The following FAT3 variants were observed in gnomAD, a reference collection of about 807,000 sequenced individuals.
FAT3 encodes protocadherin Fat 3.
A neutral mutation model predicts 310.2 loss-of-function variants in FAT3; 95 were observed. That is an observed-to-expected ratio of 0.31 (90% CI 0.26 to 0.36). The LOEUF is 0.36. FAT3 is among the 10% of genes least tolerant of loss of function. The probability of loss-of-function intolerance (pLI) is 1.00; values close to 1 mark genes in which losing one functional copy is unlikely to be tolerated. For synonymous variants in FAT3, 2,314 were observed against 2,192.9 expected (o/e 1.06, Z -1.54); for missense variants, 5,408 against 5,715.6 (o/e 0.95, Z 1.74).
At chr11:92,358,553 T>C (rs1021579075) in intron 2 of FAT3, among the ~76,000 whole-genome samples, 1 of 152,182 alleles carries the variant, frequency 6.6e-6, no homozygotes, top group African/African-American at 2.4e-5. Context: ...TTTGGGCTTG[T>C]TGAGATTTTT....
At chr11:92,277,581 T>A (rs898541495) in intron 1 of FAT3, among the ~76,000 whole-genome samples, 5 of 152,154 alleles carry the variant, frequency 3.3e-5, no homozygotes, top group Admixed American at 2.6e-4. Flanking sequence ...TGGAGGCCGT[T>A]GTCCTAAGTG....
chr11:92,442,165 G>A (rs1170354646), intron 2 of FAT3, among the ~76,000 whole-genome samples: 2 of 124,074 alleles, frequency 1.6e-5, no homozygotes, highest in Non-Finnish European at 3.1e-5. Flanking sequence ...CCAGGCTGGA[G>A]TGCAGTGGCT....
intron 1 of FAT3, among the ~76,000 whole-genome samples, chr11:92,237,998 A>G (rs1211859143): frequency 2.0e-5 from 3 of 152,164 alleles, no homozygotes; most frequent in South Asian, 2.1e-4. Context: ...CCTATGAAGT[A>G]GATATTAATA....
chr11:92,638,725 G>A lies in FAT3; in HGVS notation c.3608-58659G>A, dbSNP rs139459216. 2.6e-4 allele frequency among the ~76,000 whole-genome samples: 39 copies of A among 152,210 alleles called. No individual in the cohort carries two copies. The East Asian group carries it at 6.6e-3, about 26-fold the overall frequency. On this transcript the variant is annotated intron_variant, in intron 3 of 27. Coordinates refer to ENST00000525166, the MANE Select transcript of FAT3 (RefSeq NM_001367949.2). ...TCCGATGTAAATTTTGCTATCCTGG[G>A]TTGTGCACGTGAAGGAGTATGTGAA...
chr11:92,785,126 A>G (rs953514586), intron 7 of FAT3, among the ~76,000 whole-genome samples: 2 of 152,138 alleles, frequency 1.3e-5, no homozygotes, highest in Non-Finnish European at 2.9e-5. Flanking sequence ...TTATCCCGGC[A>G]TAGAGGTGGT....
chr11:92,634,391 TC>T (rs1484455249), intron 3 of FAT3, among the ~76,000 whole-genome samples: 6 of 152,200 alleles, frequency 3.9e-5, no homozygotes, highest in Non-Finnish European at 7.3e-5. Flanking sequence ...CATCCTATTT[TC>T]TCCTGACTAG....
intron 3 of FAT3, among the ~76,000 whole-genome samples, chr11:92,538,489 T>C (rs1954334155): frequency 6.6e-6 from 1 of 152,208 alleles, no homozygotes; most frequent in Admixed American, 6.5e-5. Context: ...GCCTTGCACA[T>C]ACAAAGTGCT....
intron 3 of FAT3, among the ~76,000 whole-genome samples, chr11:92,638,567 G>T (rs1003265150): frequency 4.6e-5 from 7 of 152,278 alleles, no homozygotes; most frequent in Admixed American, 3.3e-4. Flanking sequence ...AAATGAATAC[G>T]AGTTCTGAAA....
intron 3 of FAT3, among the ~76,000 whole-genome samples, chr11:92,573,688 G>T (rs1938308640): frequency 6.6e-6 from 1 of 152,096 alleles, no homozygotes; most frequent in African/African-American, 2.4e-5. Context: ...AGAGGTTAGA[G>T]CTATGCAGCC....
chr11:92,264,067 T>C (rs2134314882), intron 1 of FAT3, among the ~76,000 whole-genome samples: 1 of 152,276 alleles, frequency 6.6e-6, no homozygotes, highest in Non-Finnish European at 1.5e-5. Flanking sequence ...TATTGACCAA[T>C]CACTGCCAAC....
chr11:92,894,342 C>T lies in FAT3; in HGVS notation c.*3229C>T, dbSNP rs1254202390. On this transcript the variant is annotated 3_prime_UTR_variant, in exon 28 of 28. Transcript: ENST00000525166. The stretch of plus-strand genomic sequence containing the variant: ...TAGTGAAACTTTGATTATACTGTTA[C>T]CTACTGGTTGCATTTTTGGTTTTGG... The T allele has an allele frequency of 1.3e-5, 2 of 152,180 alleles. No individual in the cohort carries two copies. The highest frequency in any genetic ancestry group is 4.8e-5 in the African/African-American group (2 of 41,436). 9.4% of individuals were successfully genotyped at this position (152,180 alleles called of 1,614,324 possible). A position where few individuals can be genotyped will look rare whatever the true frequency, so the allele number is the denominator to read the frequency against.
intron 2 of FAT3, among the ~76,000 whole-genome samples, chr11:92,508,435 T>TAAAA (rs767752657): frequency 1.1e-4 from 16 of 152,166 alleles, no homozygotes; most frequent in Non-Finnish European, 2.4e-4. Context: ...TAGCTTTACT[T>TAAAA]ACGTTTTTCA....
Position 92,353,470 on chromosome 11 carries a change from A to G in FAT3, c.1358A>G (p.Asp453Gly). The G allele has an allele frequency of 6.2e-7, 1 of 1,613,476 alleles. No homozygotes were observed. The highest frequency in any genetic ancestry group is 1.1e-5 in the South Asian group (1 of 91,012). The change falls in exon 2 of 28, where the codon GAT becomes GGT. Residue 453 changes from aspartate (D) to glycine (G), a missense_variant. Around this residue, in one of 5 missense-constraint regions of FAT3, gnomAD observed 4,588 missense variants for 4,809.8 expected, o/e 0.95. Transcript: ENST00000525166. ...CTGGAGGTGACAAACAAGGAAGGAGATTTAAAAGCACAGGTCACCATCAGC... is the reference window on the plus strand; with the variant it reads ...CTGGAGGTGACAAACAAGGAAGGAGGTTTAAAAGCACAGGTCACCATCAGC... ...YKLEVTNKEG[D>G]LKAQVTISIE...
intron 3 of FAT3, among the ~76,000 whole-genome samples, chr11:92,562,681 G>A (rs2135474551): frequency 6.6e-6 from 1 of 152,258 alleles, no homozygotes; most frequent in East Asian, 1.9e-4. Context: ...GAGGGTGAAG[G>A]GCAGGGGCAT....
At chr11:92,538,143 A>G (rs1954321075) in intron 3 of FAT3, among the ~76,000 whole-genome samples, 1 of 152,158 alleles carries the variant, frequency 6.6e-6, no homozygotes, top group Admixed American at 6.5e-5. Context: ...GCTGGTTTAA[A>G]TGTTATCTAT....
chr11:92,505,248 C>T (rs183149993), intron 2 of FAT3, among the ~76,000 whole-genome samples: 6 of 152,112 alleles, frequency 3.9e-5, no homozygotes, highest in Non-Finnish European at 7.4e-5. Flanking sequence ...CATGTATGGG[C>T]CAGCTTTTTC....
intron 3 of FAT3, among the ~76,000 whole-genome samples, chr11:92,627,321 G>A (rs1229448172): frequency 2.6e-5 from 4 of 152,174 alleles, no homozygotes; most frequent in Non-Finnish European, 5.9e-5. Context: ...TCGCATCAGG[G>A]AAGATAAATA....
At chr11:92,357,802 A>G (rs529332297) in intron 2 of FAT3, among the ~76,000 whole-genome samples, 1 of 152,090 alleles carries the variant, frequency 6.6e-6, no homozygotes, top group Admixed American at 6.5e-5. Flanking sequence ...CAGTGTTTCT[A>G]CCTTGGGTGT....
chr11:92,371,128 G>A lies in FAT3; in HGVS notation c.3292+15724G>A, dbSNP rs368408813. Among the ~76,000 whole-genome samples the A allele has an allele frequency of 2.5e-4, 38 of 152,340 alleles. No homozygotes were observed. The South Asian group carries it at 7.2e-3, about 29-fold the overall frequency. ...ACTTACAGCAGTGGGAAATAACCCC[G>A]TAAATCAGGCAGCAGGAGAAAGAGT... is the stretch of plus-strand genomic sequence containing the variant. On this transcript the variant is annotated intron_variant, in intron 2 of 27. Transcript: ENST00000525166.
Sources: gnomAD v4.1 joint callset for allele counts (sites outside exome capture counted in the v4.1 genomes callset) on GRCh38, gnomAD v4.1.1 for gene constraint, gnomAD v4.1.1 regional missense constraint, MANE v1.5 for transcripts, NCBI Gene and HGNC (gene_info 2026-07-23, HGNC 2026-07-21) for gene names.